The following MGLL variants were observed in gnomAD, a reference collection of about 807,000 sequenced individuals.
The protein encoded by MGLL is lysophospholipase homolog.
Under a neutral mutation model 29.1 loss-of-function variants are expected in MGLL, and 7 were observed. That is an observed-to-expected ratio of 0.24 (90% CI 0.14 to 0.45). The LOEUF is 0.45. MGLL is among the 20% of genes least tolerant of loss of function. The pLI is 0.99. For synonymous variants in MGLL, 148 were observed against 168.3 expected (o/e 0.88, Z 0.93); for missense variants, 356 against 413.6 (o/e 0.86, Z 1.21).
rs1232692467 is a variant in MGLL, at chr3:127,820,241, T to C, written c.155+1453A>G. Among the ~76,000 whole-genome samples, 5 of 152,326 alleles carry C rather than the reference T, an allele frequency of 3.3e-5. No individual in the cohort carries two copies. The East Asian group carries it at 9.6e-4, about 29-fold the overall frequency. On this transcript the variant is annotated intron_variant, in intron 2 of 7. Transcript: ENST00000265052. ...CAGTTTAAATTAAGAAGTTGAGTTA[T>C]CATCTCTAACTAGAGCAAAAGCAAC... is the stretch of plus-strand genomic sequence containing the variant.
At chr3:127,731,623 A>G (rs2076152475) in intron 3 of MGLL, among the ~76,000 whole-genome samples, 1 of 152,068 alleles carries the variant, frequency 6.6e-6, no homozygotes, top group Admixed American at 6.5e-5. Flanking sequence ...ACAGCCTTGC[A>G]TCTGAGAGCC....
intron 2 of MGLL, among the ~76,000 whole-genome samples, chr3:127,817,136 G>T (rs574002352): frequency 6.6e-6 from 1 of 152,348 alleles, no homozygotes; most frequent in South Asian, 2.1e-4. Flanking sequence ...GGACTAGAAG[G>T]CAAGGCCAGT....
intron 7 of MGLL, among the ~76,000 whole-genome samples, chr3:127,694,269 G>GGA (rs1369919359): frequency 0.017 from 1,140 of 67,548 alleles, 65 homozygotes; most frequent in African/African-American, 0.054. Flanking sequence ...TACTCTGTCT[G>GGA]AAAAAAAAAA....
At chr3:127,695,701 G>A (rs1028542660) in intron 6 of MGLL, among the ~76,000 whole-genome samples, 7 of 152,074 alleles carry the variant, frequency 4.6e-5, no homozygotes, top group African/African-American at 9.7e-5. Context: ...CCAAGATGGC[G>A]CCACTGCACT....
chr3:127,743,263 T>C (rs1010953890), intron 3 of MGLL, among the ~76,000 whole-genome samples: 2 of 152,188 alleles, frequency 1.3e-5, no homozygotes, highest in African/African-American at 4.8e-5. Flanking sequence ...ACCTCAATGC[T>C]TTATTGGAGA....
At chr3:127,764,868 C>T (rs1249292587) in intron 3 of MGLL, among the ~76,000 whole-genome samples, 1 of 152,102 alleles carries the variant, frequency 6.6e-6, no homozygotes, top group East Asian at 1.9e-4. Context: ...TAGAGGAGCT[C>T]ATTTGGTTCC....
At chr3:127,745,410 C>T (rs1396923947) in intron 3 of MGLL, among the ~76,000 whole-genome samples, 5 of 152,148 alleles carry the variant, frequency 3.3e-5, no homozygotes, top group South Asian at 4.1e-4. Flanking sequence ...CATGGATGGA[C>T]CTGGAGGCCA....
chr3:127,780,560 A>G (rs56293113), intron 3 of MGLL, among the ~76,000 whole-genome samples: 7,013 of 152,350 alleles, frequency 0.046, 215 homozygotes, highest in South Asian at 0.14. Flanking sequence ...CACAACTATG[A>G]TAAGAAAGAA....
intron 3 of MGLL, among the ~76,000 whole-genome samples, chr3:127,742,692 A>G (rs2076366872): frequency 2.0e-5 from 3 of 151,628 alleles, no homozygotes; most frequent in East Asian, 1.9e-4. Flanking sequence ...TCTTAAGGCA[A>G]CCTGTTTTCT....
chr3:127,753,192 A>T (rs1364950734), intron 3 of MGLL, among the ~76,000 whole-genome samples: 1 of 152,222 alleles, frequency 6.6e-6, no homozygotes, highest in Non-Finnish European at 1.5e-5. Context: ...GCTGCAGAGC[A>T]ACCTCCCCAG....
intron 2 of MGLL, among the ~76,000 whole-genome samples, chr3:127,809,715 T>C (rs2077628644): frequency 6.6e-6 from 1 of 152,106 alleles, no homozygotes; most frequent in Admixed American, 6.6e-5. Flanking sequence ...GCCACAGTTC[T>C]CTGCACAGTA....
intron 3 of MGLL, among the ~76,000 whole-genome samples, chr3:127,752,191 G>T (rs1388003983): frequency 6.6e-6 from 1 of 152,010 alleles, no homozygotes; most frequent in African/African-American, 2.4e-5. Context: ...CTGCCTCCTG[G>T]GTTCAAGAAA....
chr3:127,791,118 T>G (rs976675383), intron 2 of MGLL: 3 of 152,252 alleles, frequency 2.0e-5, no homozygotes, highest in Non-Finnish European at 4.4e-5. Context: ...TTGGTGCAAA[T>G]GCCCTGCTGA....
chr3:127,816,332 G>C (rs2077755084), intron 2 of MGLL, among the ~76,000 whole-genome samples: 1 of 152,168 alleles, frequency 6.6e-6, no homozygotes, highest in Admixed American at 6.5e-5. Context: ...GTGGGGGAAA[G>C]AAAGCACTCA....
At position 127,821,827 on chromosome 3, in the gene MGLL, G is replaced by A. The variant is rs1256614765; in HGVS notation, c.22C>T (p.Pro8Ser). ...GAACTTTCCTCTGGCATGCTGGAAG[G>A]GTCTTCAGGTCCTAGAAGGAAAAGT... is the stretch of plus-strand genomic sequence containing the variant. METGPED[P>S]SSMPEESSPR... The change falls in exon 2 of 8, where the codon CCT (proline) becomes TCT (serine). Residue 8 changes from proline to serine, a missense_variant. Transcript: ENST00000265052. 4 of 1,613,838 alleles carry A rather than the reference G, an allele frequency of 2.5e-6. No homozygotes were observed. Among genetic ancestry groups the A allele is most frequent in the Non-Finnish European group, 3.4e-6 (4 of 1,179,910 alleles).
chr3:127,698,685 A>G (rs577344117), intron 6 of MGLL, among the ~76,000 whole-genome samples: 3 of 152,282 alleles, frequency 2.0e-5, no homozygotes, highest in African/African-American at 7.2e-5. Context: ...CAAGGTCAGT[A>G]TCCTGGTTGT....
chr3:127,749,513 A>C (rs1172394899), intron 3 of MGLL, among the ~76,000 whole-genome samples: 1 of 152,228 alleles, frequency 6.6e-6, no homozygotes, highest in Non-Finnish European at 1.5e-5. Flanking sequence ...GCTCTCCCGC[A>C]TTCCACATTC....
chr3:127,803,882 C>T (rs1396186633), intron 2 of MGLL, among the ~76,000 whole-genome samples: 1 of 152,142 alleles, frequency 6.6e-6, no homozygotes, highest in Non-Finnish European at 1.5e-5. Flanking sequence ...ACCTCTCAGG[C>T]ACTAGCTCAC....
intron 3 of MGLL, among the ~76,000 whole-genome samples, chr3:127,770,523 G>A (rs1424674577): frequency 6.6e-6 from 1 of 152,086 alleles, no homozygotes; most frequent in Non-Finnish European, 1.5e-5. Flanking sequence ...TCCACTCCAG[G>A]TCTCTTCACC....
Sources: gnomAD v4.1 joint callset for allele counts (sites outside exome capture counted in the v4.1 genomes callset) on GRCh38, gnomAD v4.1.1 for gene constraint, MANE v1.5 for transcripts, NCBI Gene and HGNC (gene_info 2026-07-23, HGNC 2026-07-21) for gene names.